The following ULK4 variants were observed in gnomAD, a reference collection of about 807,000 sequenced individuals.
ULK4 encodes the protein inactive serine/threonine-protein kinase ULK4.
ULK4 carries 133 observed loss-of-function variants against 160.6 expected under a neutral mutation model. The observed-to-expected ratio is 0.83, with a 90% CI of 0.72 to 0.96. The LOEUF (loss-of-function observed/expected upper bound fraction) is 0.96. ULK4 is among the 40% of genes least tolerant of loss of function. The pLI is 0.00. For missense variants in ULK4, 1,580 were observed against 1,499.5 expected, an observed-to-expected ratio of 1.05 and a Z score of -0.89; for synonymous variants, 534 against 539.8, an observed-to-expected ratio of 0.99 and a Z score of 0.15.
intron 9 of ULK4, 45 bp downstream of exon 9, chr3:41,912,762 G>C: frequency 6.6e-7 from 1 of 1,523,404 alleles, no homozygotes. Context: ...ATGGGCTTAA[G>C]TGTCCAGTAA....
intron 32 of ULK4, among the ~76,000 whole-genome samples, chr3:41,504,962 A>G (rs1373691968): frequency 2.6e-5 from 4 of 152,158 alleles, no homozygotes; most frequent in African/African-American, 4.8e-5. Flanking sequence ...CTAAACAAGC[A>G]TAATATTATC....
At chr3:41,391,960 T>G (rs2125808162) in intron 35 of ULK4, among the ~76,000 whole-genome samples, 1 of 152,236 alleles carries the variant, frequency 6.6e-6, no homozygotes, top group African/African-American at 2.4e-5. Context: ...TTCCATGGAC[T>G]ATTTTTCTGC....
At chr3:41,835,045 T>C (rs1412409379) in intron 18 of ULK4, among the ~76,000 whole-genome samples, 1 of 152,202 alleles carries the variant, frequency 6.6e-6, no homozygotes, top group African/African-American at 2.4e-5. Context: ...CCAAATGTGA[T>C]TTGGAAGACT....
rs777528968 is a variant in ULK4 at position 41,931,941 on chromosome 3, T to C, written c.444A>G (p.Glu148=). The C allele has an allele frequency of 7.4e-6, 12 of 1,614,078 alleles. No individual in the cohort carries two copies. The South Asian group carries it at 1.2e-4, about 16-fold the overall frequency. The change falls in exon 5 of 37, where the codon GAA becomes GAG. Residue 148 remains glutamate (E), a synonymous_variant. Coordinates refer to ENST00000301831, the MANE Select transcript of ULK4 (RefSeq NM_017886.4). ...CCAAAGCAAAGAACTCTTCCAAATTTTCACCTTCCACTTTTGCCAAGCAAA... is the reference window on the plus strand; with the variant it reads ...CCAAAGCAAAGAACTCTTCCAAATTCTCACCTTCCACTTTTGCCAAGCAAA... ...SNFCLAKVEG[E]NLEEFFALVA... is the part of the protein sequence containing the mutation.
At chr3:41,360,787 G>A (rs2081127579) in intron 35 of ULK4, among the ~76,000 whole-genome samples, 1 of 152,132 alleles carries the variant, frequency 6.6e-6, no homozygotes, top group Non-Finnish European at 1.5e-5. Flanking sequence ...CTGGAAGGAG[G>A]GAGTGCATCA....
chr3:41,801,048 G>A lies in ULK4; in HGVS notation c.1849-755C>T, dbSNP rs78737208. 4.9e-4 allele frequency among the ~76,000 whole-genome samples: 74 copies of A among 152,258 alleles called. 2 individuals are homozygous for A. The East Asian group carries it at 0.013, about 27-fold the overall frequency. On this transcript the variant is annotated intron_variant, in intron 19 of 36. Transcript: ENST00000301831. ...CATAATTCAATCGCTAGAAATGACT[G>A]ATAGACTTAGTAGAAAGATATTAAA... is the stretch of plus-strand genomic sequence containing the variant.
At chr3:41,371,419 C>A (rs556928793) in intron 35 of ULK4, among the ~76,000 whole-genome samples, 1 of 152,264 alleles carries the variant, frequency 6.6e-6, no homozygotes, top group South Asian at 2.1e-4. Context: ...CTGGCAGCTG[C>A]CCCTCTGGGA....
intron 22 of ULK4, among the ~76,000 whole-genome samples, chr3:41,729,157 T>C (rs905112423): frequency 6.6e-6 from 1 of 152,190 alleles, no homozygotes. Context: ...GATGACTATA[T>C]TGAGAAGGAA....
intron 35 of ULK4, among the ~76,000 whole-genome samples, chr3:41,390,962 CCTTCA>C (rs2081944016): frequency 6.6e-6 from 1 of 152,010 alleles, no homozygotes; most frequent in Admixed American, 6.6e-5. Flanking sequence ...CCTTCCCTTC[CCTTCA>C]CAGCCTCTAG....
At chr3:41,644,844 G>A (rs914417084) in intron 30 of ULK4, among the ~76,000 whole-genome samples, 5 of 152,242 alleles carry the variant, frequency 3.3e-5, no homozygotes, top group African/African-American at 1.2e-4. Flanking sequence ...TGGTTGGTAA[G>A]CTATTGATTA....
intron 27 of ULK4, among the ~76,000 whole-genome samples, chr3:41,693,515 T>A (rs562355689): frequency 2.9e-4 from 44 of 152,312 alleles, no homozygotes; most frequent in African/African-American, 1.0e-3. Context: ...ATGGAGTAAT[T>A]TCTAACACTC....
intron 34 of ULK4, among the ~76,000 whole-genome samples, chr3:41,412,553 A>ATTTTTTTCTTTTTTTTTTTT (rs2082429333): frequency 1.7e-4 from 17 of 100,454 alleles, no homozygotes; most frequent in African/African-American, 6.6e-4. Flanking sequence ...ATGCAGTTGA[A>ATTTTTTTCTTTTTTTTTTTT]TTTTTTTTTT....
At chr3:41,834,115 C>T (rs1309230450) in intron 18 of ULK4, among the ~76,000 whole-genome samples, 6 of 151,298 alleles carry the variant, frequency 4.0e-5, no homozygotes, top group African/African-American at 1.2e-4. Context: ...GGGTACAAAA[C>T]TAGGAAAAAG....
intron 1 of ULK4, among the ~76,000 whole-genome samples, chr3:41,955,921 G>A (rs543821355): frequency 2.8e-4 from 42 of 152,274 alleles, no homozygotes; most frequent in African/African-American, 1.0e-3. Flanking sequence ...CCTGGTACAA[G>A]GGAAAACAAC....
intron 21 of ULK4, among the ~76,000 whole-genome samples, chr3:41,758,513 T>A (rs1483210102): frequency 2.0e-5 from 3 of 152,110 alleles, no homozygotes; most frequent in African/African-American, 7.2e-5. Context: ...AGCACGTTGA[T>A]CCAGAATATA....
Position 41,602,248 on chromosome 3 carries a change from A to AAAAAAAG in ULK4, c.3120+13420_3120+13421insCTTTTTT, listed in dbSNP as rs1255122486. On this transcript the variant is annotated intron_variant, in intron 31 of 36. Transcript: ENST00000301831. Reference sequence around the variant, plus strand: ...AGAAAGGAAAGGAAAGGGAAGGAAGAGAAAAAGGAAAGGAAAGGAAAGGAA... The same window carrying AAAAAAAG: ...AGAAAGGAAAGGAAAGGGAAGGAAGAAAAAAAGGAAAAAGGAAAGGAAAGGAAAGGAA... Among the ~76,000 whole-genome samples the AAAAAAAG allele has an allele frequency of 6.5e-3, 890 of 136,930 alleles. 11 individuals carry two copies. Among genetic ancestry groups the AAAAAAAG allele is most frequent in the Non-Finnish European group, 9.7e-3 (629 of 64,682 alleles). The allele number at this position is 136,930 out of a possible 152,430, so 89.8% of individuals were successfully genotyped here.
At chr3:41,763,432 A>G (rs2039054662) in intron 21 of ULK4, among the ~76,000 whole-genome samples, 1 of 152,188 alleles carries the variant, frequency 6.6e-6, no homozygotes, top group Middle Eastern at 3.2e-3. Flanking sequence ...TCAAGAAAAA[A>G]GGGGAGATAG....
At chr3:41,760,934 TACATGCAGTG>T (rs771783025) in intron 21 of ULK4, among the ~76,000 whole-genome samples, 33 of 152,370 alleles carry the variant, frequency 2.2e-4, no homozygotes, top group Non-Finnish European at 4.0e-4. Context: ...GAACTACTGA[TACATGCAGTG>T]ACATGGATGA....
chr3:41,852,305 T>TA (rs1026188400), intron 17 of ULK4, among the ~76,000 whole-genome samples: 83 of 152,024 alleles, frequency 5.5e-4, no homozygotes, highest in Non-Finnish European at 1.1e-3. Context: ...AACTACTCTT[T>TA]AAAAAAAATT....
Sources: allele counts gnomAD v4.1 joint callset (sites outside exome capture counted in the v4.1 genomes callset), GRCh38; gene constraint gnomAD v4.1.1; transcripts MANE v1.5; gene names NCBI Gene and HGNC (gene_info 2026-07-23, HGNC 2026-07-21).